Variants in DNAH7 observed in about 807,000 individuals in gnomAD.
DNAH7 encodes dynein axonemal heavy chain 7, also known as axonemal beta dynein heavy chain 7.
Under a neutral mutation model 444.6 loss-of-function variants are expected in DNAH7, and 397 were observed. The observed-to-expected ratio is 0.89, with a 90% CI of 0.82 to 0.97. The LOEUF (loss-of-function observed/expected upper bound fraction) is 0.97. Ranked by LOEUF, DNAH7 falls within the 50% of genes least tolerant of loss-of-function variation. The pLI is 0.00. For synonymous variants in DNAH7, 1,636 were observed against 1,624.4 expected (o/e 1.01, Z -0.17); for missense variants, 4,902 against 4,800.8 (o/e 1.02, Z -0.62).
At chr2:195,925,996 C>T (rs1688307093) in intron 22 of DNAH7, among the ~76,000 whole-genome samples, 2 of 151,952 alleles carry the variant, frequency 1.3e-5, no homozygotes, top group Admixed American at 6.6e-5. Flanking sequence ...ACAATCAATA[C>T]ATTAGAAATA....
chr2:195,884,633 G>A lies in DNAH7; in HGVS notation c.5715C>T (p.Val1905=), dbSNP rs772642319. The A allele has an allele frequency of 1.2e-6, 2 of 1,614,090 alleles. No individual in the cohort carries two copies. Among genetic ancestry groups the A allele is most frequent in the Non-Finnish European group, 1.7e-6 (2 of 1,179,990 alleles). ...AAATTGTTCCTTTTTCAGGAAATGG[G>A]ACAGTTAGTGCCTTTGAGGATGTTT... ...TEQTSSKALT[V]PFPEKGTIYD... The change falls in exon 35 of 65, where the codon GTC becomes GTT. Residue 1905 remains valine, a synonymous_variant. Coordinates refer to ENST00000312428, the MANE Select transcript of DNAH7 (RefSeq NM_018897.3).
rs564247190 is a variant in DNAH7, at chr2:195,789,429, G to A, written c.10717-2258C>T. 9.9e-5 allele frequency among the ~76,000 whole-genome samples: 15 copies of A among 152,246 alleles called. No homozygotes were observed. The South Asian group carries it at 3.1e-3, about 32-fold the overall frequency. The stretch of plus-strand genomic sequence containing the variant: ...GAATGTGGAAGGGAGCACTCGGGTA[G>A]GAAATAATATTTTTACAATCATCAC... On this transcript the variant is annotated intron_variant, in intron 57 of 64. Coordinates refer to ENST00000312428, the MANE Select transcript of DNAH7 (RefSeq NM_018897.3).
chr2:196,024,554 T>G lies in DNAH7; in HGVS notation c.668-50A>C, dbSNP rs1695566970. The G allele has an allele frequency of 2.7e-6, 3 of 1,112,682 alleles. No individual in the cohort carries two copies. The South Asian group carries it at 5.2e-5, about 19-fold the overall frequency. The allele number at this position is 1,112,682 out of a possible 1,614,324, so 68.9% of individuals were successfully genotyped here. A position where few individuals can be genotyped will look rare whatever the true frequency, so the allele number is the denominator to read the frequency against. On this transcript the variant is annotated intron_variant, in intron 7 of 64. Coordinates refer to ENST00000312428, the MANE Select transcript of DNAH7 (RefSeq NM_018897.3). ...ATAAATAACCTTATATTAACTGTAG[T>G]ACATTTCCAAGCAATTGCAAAGCTA...
chr2:195,859,115 G>A (rs923352377), intron 42 of DNAH7, among the ~76,000 whole-genome samples: 1 of 152,178 alleles, frequency 6.6e-6, no homozygotes, highest in Non-Finnish European at 1.5e-5. Context: ...GTATCAAAAT[G>A]AATGATGTAC....
chr2:195,990,750 T>A (rs542123530), intron 12 of DNAH7, among the ~76,000 whole-genome samples: 20 of 149,326 alleles, frequency 1.3e-4, no homozygotes, highest in Non-Finnish European at 2.8e-4. Flanking sequence ...GCCAGTACCA[T>A]GATGTTTAGG....
At chr2:196,068,590 G>A (rs1359482189) in intron 1 of DNAH7, 107 bp downstream of exon 1, 2 of 1,423,654 alleles carry the variant, frequency 1.4e-6, no homozygotes, top group African/African-American at 2.8e-5. Context: ...TGTACACCGC[G>A]GAGTCACAGC....
At chr2:195,987,896 A>C in intron 13 of DNAH7, 61 bp downstream of exon 13, 4 of 1,455,206 alleles carry the variant, frequency 2.7e-6, no homozygotes, top group Non-Finnish European at 3.7e-6. Context: ...ATACATCCTA[A>C]TAAAACTGGG....
intron 20 of DNAH7, among the ~76,000 whole-genome samples, chr2:195,935,335 C>G (rs190749876): frequency 1.3e-5 from 2 of 152,226 alleles, no homozygotes; most frequent in East Asian, 3.9e-4. Context: ...TGGCACACTA[C>G]CAATAACCCG....
chr2:195,814,854 C>G (rs1368139298), intron 51 of DNAH7, among the ~76,000 whole-genome samples: 1 of 151,986 alleles, frequency 6.6e-6, no homozygotes, highest in African/African-American at 2.4e-5. Flanking sequence ...AATCCTCCCA[C>G]CTCAGCCTCC....
intron 39 of DNAH7, 150 bp downstream of exon 39, chr2:195,873,418 G>A (rs751819937): frequency 4.6e-6 from 2 of 438,602 alleles, no homozygotes; most frequent in Non-Finnish European, 7.6e-6. Context: ...ACACTGGGAG[G>A]TGGCAGGAAC....
At chr2:195,990,456 A>G (rs1469437484) in intron 12 of DNAH7, among the ~76,000 whole-genome samples, 1 of 152,126 alleles carries the variant, frequency 6.6e-6, no homozygotes, top group Non-Finnish European at 1.5e-5. Context: ...TGAGCCCAGG[A>G]GCTCAAGACC....
intron 61 of DNAH7, among the ~76,000 whole-genome samples, chr2:195,763,707 T>A (rs1332862562): frequency 6.6e-6 from 1 of 151,720 alleles, no homozygotes; most frequent in Non-Finnish European, 1.5e-5. Flanking sequence ...CAGACCAATA[T>A]CAAGTAATAA....
chr2:195,847,370 C>T (rs972416415), intron 46 of DNAH7, among the ~76,000 whole-genome samples: 5 of 151,650 alleles, frequency 3.3e-5, no homozygotes, highest in Non-Finnish European at 5.9e-5. Context: ...AGGCCATTAA[C>T]CTAAGCAAAC....
intron 47 of DNAH7, among the ~76,000 whole-genome samples, chr2:195,843,941 A>C (rs1338835861): frequency 6.6e-6 from 1 of 151,750 alleles, no homozygotes; most frequent in African/African-American, 2.4e-5. Flanking sequence ...CTAAAAATAC[A>C]AAAAATTAGC....
intron 38 of DNAH7, among the ~76,000 whole-genome samples, chr2:195,874,348 A>C (rs1288880584): frequency 1.3e-5 from 2 of 152,180 alleles, no homozygotes; most frequent in African/African-American, 4.8e-5. Flanking sequence ...GCAGAAGAAA[A>C]GATGGTAAGA....
intron 17 of DNAH7, among the ~76,000 whole-genome samples, chr2:195,965,890 T>C (rs996795612): frequency 2.0e-5 from 3 of 152,062 alleles, no homozygotes; most frequent in African/African-American, 7.2e-5. Context: ...GGTTTATCAA[T>C]TTTATTTTTT....
rs961137193 is a variant in DNAH7 at position 195,858,676 on chromosome 2, T to C, written c.7865A>G (p.Glu2622Gly). Residue 2622 changes from glutamate to glycine, a missense_variant, in exon 43 of 65, where the codon GAG (glutamate) becomes GGG (glycine). Physicochemically the swap from Glu to Gly is moderately conservative, Grantham distance 98. Transcript: ENST00000312428. Reference sequence around the variant, plus strand: ...AATCATTATCATCATTTCATCAACCTCTTTGCTAGCAACTTTTAATTGAGG... The same window carrying C: ...AATCATTATCATCATTTCATCAACCCCTTTGCTAGCAACTTTTAATTGAGG... ...LHPQLKVASK[E>G]VDEMMIMIEK... 4 of 1,613,962 alleles carry C rather than the reference T, an allele frequency of 2.5e-6. No homozygotes were observed. Among genetic ancestry groups the C allele is most frequent in the Middle Eastern group, 1.6e-4 (1 of 6,084 alleles).
At chr2:195,952,410 G>T (rs1690324011) in intron 19 of DNAH7, among the ~76,000 whole-genome samples, 1 of 151,920 alleles carries the variant, frequency 6.6e-6, no homozygotes, top group African/African-American at 2.4e-5. Flanking sequence ...GTGTCTTGGG[G>T]TTGCTCTTCT....
chr2:196,001,932 A>C (rs1694062747), intron 10 of DNAH7, 74 bp from the exon 11 acceptor site: 3 of 1,246,290 alleles, frequency 2.4e-6, no homozygotes, highest in Non-Finnish European at 3.3e-6. Context: ...CATTAACACT[A>C]ATTTCTGGAC....
Sources: gnomAD v4.1 joint callset for allele counts (sites outside exome capture counted in the v4.1 genomes callset) on GRCh38, gnomAD v4.1.1 for gene constraint, MANE v1.5 for transcripts, NCBI Gene and HGNC (gene_info 2026-07-23, HGNC 2026-07-21) for gene names.